TRABD2A: variants seen among roughly 807,000 people sequenced by gnomAD.
The protein encoded by TRABD2A is metalloprotease TIKI1.
In TRABD2A, 43 loss-of-function variants were observed where a neutral mutation model predicts 45.6. That is an observed-to-expected ratio of 0.94 (90% CI 0.74 to 1.22). The LOEUF (loss-of-function observed/expected upper bound fraction) is 1.22, where lower values mean the gene tolerates loss of function less well. Among genes scored for constraint, TRABD2A ranks in the 50% most tolerant of loss-of-function variants. The pLI, the probability that TRABD2A is intolerant of heterozygous loss-of-function variation, is 0.00. For missense variants in TRABD2A, 642 were observed against 652.4 expected, an observed-to-expected ratio of 0.98 and a Z score of 0.17; for synonymous variants, 269 against 265.0, an observed-to-expected ratio of 1.02 and a Z score of -0.15.
rs1488498850 is a variant in TRABD2A at position 84,821,861 on chromosome 2, G to T, written c.*56C>A. 2.0e-6 allele frequency: 3 copies of T among 1,475,126 alleles called. No homozygotes were observed. The highest frequency in any genetic ancestry group is 2.8e-5 in the African/African-American group (2 of 71,276). The allele number at this position is 1,475,126 out of a possible 1,614,324, so 91.4% of individuals were successfully genotyped here. A position where few individuals can be genotyped will look rare whatever the true frequency, so the allele number is the denominator to read the frequency against. ...GGCTAGACCAGAATGTGGAGTACAG[G>T]AATGGCCATTCTTCAAGTCCGAGGG... On this transcript the variant is annotated 3_prime_UTR_variant, in exon 7 of 7. Coordinates refer to ENST00000409520, the MANE Select transcript of TRABD2A (RefSeq NM_001277053.2).
Position 84,832,114 on chromosome 2 carries a change from A to G in TRABD2A, c.1023T>C (p.Asp341=). The G allele has an allele frequency of 6.2e-7, 1 of 1,614,000 alleles. No individual in the cohort carries two copies. The highest frequency in any genetic ancestry group is 1.1e-5 in the South Asian group (1 of 91,082). ...CCTCATAGCCTTCACGCCGCAAAAC[A>G]TCCAGCACTGTGTTGTTGCCCATGA... ...GHFMGNNTVL[D]VLRREGYEVE... Residue 341 remains aspartate, a synonymous_variant, in exon 5 of 7, where the codon GAT becomes GAC. Transcript: ENST00000409520.
chr2:84,857,262 G>C (rs1041755565), intron 2 of TRABD2A, among the ~76,000 whole-genome samples: 4 of 152,166 alleles, frequency 2.6e-5, no homozygotes, highest in Non-Finnish European at 5.9e-5. Flanking sequence ...CATCTCCAAG[G>C]CCTAGTAAAT....
chr2:84,879,479 C>A, intron 1 of TRABD2A: 1 of 508,142 alleles, frequency 2.0e-6, no homozygotes, highest in Non-Finnish European at 2.5e-6. Context: ...CCATGCCGGG[C>A]TTCTTTGATA....
intron 2 of TRABD2A, among the ~76,000 whole-genome samples, chr2:84,853,355 T>C (rs945216647): frequency 6.6e-6 from 1 of 152,164 alleles, no homozygotes; most frequent in Non-Finnish European, 1.5e-5. Context: ...CTTACAACCA[T>C]GGCAGAAGAG....
At chr2:84,860,979 G>A (rs979834052) in intron 2 of TRABD2A, among the ~76,000 whole-genome samples, 2 of 152,226 alleles carry the variant, frequency 1.3e-5, no homozygotes, top group Admixed American at 6.5e-5. Context: ...CAGAAAGGGA[G>A]GTGGGAGCAG....
At chr2:84,840,486 CCTCA>C (rs1681673342) in intron 3 of TRABD2A, among the ~76,000 whole-genome samples, 1 of 152,188 alleles carries the variant, frequency 6.6e-6, no homozygotes, top group Non-Finnish European at 1.5e-5. Context: ...CCAGCCTGGC[CCTCA>C]CTCACAGTGA....
intron 2 of TRABD2A, chr2:84,850,957 A>G (rs1682066593): frequency 6.6e-6 from 1 of 152,324 alleles, no homozygotes; most frequent in African/African-American, 2.4e-5. Context: ...AGAGACCTCC[A>G]AGACCTTAGC....
chr2:84,843,559 A>G (rs1433442583), intron 2 of TRABD2A: 3 of 152,470 alleles, frequency 2.0e-5, no homozygotes, highest in African/African-American at 4.8e-5. Context: ...GAACAGAAAT[A>G]TATTTCTCAC....
Position 84,823,979 on chromosome 2 carries a change from G to T in TRABD2A, c.1308C>A (p.Ser436Arg). 1 of 1,613,884 alleles carries T rather than the reference G, an allele frequency of 6.2e-7. No homozygotes were observed. The highest frequency in any genetic ancestry group is 8.5e-7 in the Non-Finnish European group (1 of 1,179,880). The change falls in exon 6 of 7, where the codon AGC (serine) becomes AGA (arginine). Residue 436 changes from serine (S) to arginine (R), a missense_variant. Physicochemically the swap from Ser to Arg is moderately radical, Grantham distance 110 (BLOSUM62 -1). Transcript: ENST00000409520. ...SQRRPRLRQF[S>R]DLWVRLEESD... is the part of the protein sequence containing the mutation. ...TCTCCTCCAGGCGGACCCACAGATC[G>T]CTGAATTGCCGGAGTCGCGGCCTCC...
At position 84,879,190 on chromosome 2, in the gene TRABD2A, T is replaced by C. The variant is rs963206506; in HGVS notation, c.108+1742A>G. Among the ~76,000 whole-genome samples the C allele has an allele frequency of 1.0e-3, 155 of 151,826 alleles. 1 individual carries two copies. Among genetic ancestry groups the C allele is most frequent in the African/African-American group, 3.6e-3 (150 of 41,426 alleles). On this transcript the variant is annotated intron_variant, in intron 1 of 6. Transcript: ENST00000409520. ...CTTTGAGGTTTTCAATACTTTTTTT[T>C]TTTTTTTTTTGGATATAGGGTCTCG...
chr2:84,826,010 C>T (rs1455231897), intron 5 of TRABD2A, among the ~76,000 whole-genome samples: 1 of 152,086 alleles, frequency 6.6e-6, no homozygotes, highest in Non-Finnish European at 1.5e-5. Context: ...GTGCCAAAAA[C>T]GTTGAGGGCC....
At chr2:84,855,587 A>G (rs1682268907) in intron 2 of TRABD2A, among the ~76,000 whole-genome samples, 1 of 152,014 alleles carries the variant, frequency 6.6e-6, no homozygotes, top group Non-Finnish European at 1.5e-5. Context: ...CAGGCTTATC[A>G]CCAGACAGTT....
intron 5 of TRABD2A, among the ~76,000 whole-genome samples, chr2:84,829,524 C>T (rs1378766750): frequency 2.0e-5 from 3 of 150,356 alleles, no homozygotes; most frequent in African/African-American, 7.4e-5. Flanking sequence ...ACCACACATA[C>T]CCCACACACA....
Position 84,870,302 on chromosome 2 carries a change from G to T in TRABD2A, c.592C>A (p.Arg198=). 1 of 1,613,932 alleles carries T rather than the reference G, an allele frequency of 6.2e-7. No individual in the cohort carries two copies. Among genetic ancestry groups the T allele is most frequent in the Non-Finnish European group, 8.5e-7 (1 of 1,179,892 alleles). The part of the protein sequence containing the change: ...LDLFLAQEAE[R]LRKQTGAVEK... ...ACTGCCCCAGTCTGTTTCCTCAGCCGCTCAGCCTCCTGGGCAAGGAACAGG... is the reference window on the plus strand; with the variant it reads ...ACTGCCCCAGTCTGTTTCCTCAGCCTCTCAGCCTCCTGGGCAAGGAACAGG... Residue 198 remains arginine, a synonymous_variant, in exon 2 of 7, where the codon CGG becomes AGG. Coordinates refer to ENST00000409520, the MANE Select transcript of TRABD2A (RefSeq NM_001277053.2).
intron 2 of TRABD2A, among the ~76,000 whole-genome samples, chr2:84,847,255 G>T (rs1458062612): frequency 3.3e-5 from 5 of 152,176 alleles, no homozygotes; most frequent in African/African-American, 1.2e-4. Flanking sequence ...AACTACTATG[G>T]CATCTCTGAA....
chr2:84,861,862 G>A (rs1030296699), intron 2 of TRABD2A, among the ~76,000 whole-genome samples: 5 of 152,368 alleles, frequency 3.3e-5, no homozygotes, highest in Admixed American at 3.3e-4. Context: ...GGCTAATGAG[G>A]TCTCTCCTGT....
At chr2:84,868,462 G>C (rs1682758157) in intron 2 of TRABD2A, among the ~76,000 whole-genome samples, 1 of 151,344 alleles carries the variant, frequency 6.6e-6, no homozygotes, top group African/African-American at 2.4e-5. Context: ...GGGAGGGATA[G>C]CATTATCCTC....
chr2:84,880,217 G>C (rs1055710594), intron 1 of TRABD2A, among the ~76,000 whole-genome samples: 4 of 152,214 alleles, frequency 2.6e-5, no homozygotes, highest in Non-Finnish European at 5.9e-5. Context: ...CAGCCTCGGA[G>C]ACGCAAGACC....
intron 1 of TRABD2A, among the ~76,000 whole-genome samples, chr2:84,880,415 TC>T (rs1683159977): frequency 1.3e-5 from 2 of 152,176 alleles, no homozygotes; most frequent in Non-Finnish European, 2.9e-5. Context: ...AGTGTCAGTT[TC>T]CCAGATCGGT....
Sources: allele counts gnomAD v4.1 joint callset (sites outside exome capture counted in the v4.1 genomes callset), GRCh38; gene constraint gnomAD v4.1.1; transcripts MANE v1.5; gene names NCBI Gene and HGNC (gene_info 2026-07-23, HGNC 2026-07-21).